SCAMP5: variants seen among roughly 807,000 people sequenced by gnomAD.
SCAMP5 encodes secretory carrier-associated membrane protein 5.
A neutral mutation model predicts 28.3 loss-of-function variants in SCAMP5; 7 were observed. The ratio of observed to expected loss-of-function variants is 0.25; its 90% confidence interval spans 0.14 to 0.46. The LOEUF (loss-of-function observed/expected upper bound fraction) is 0.46, where lower values mean the gene tolerates loss of function less well. Among genes scored for constraint, SCAMP5 ranks in the 20% least tolerant of loss-of-function variants. SCAMP5 has a pLI of 0.99. For synonymous variants in SCAMP5, 117 were observed against 116.4 expected, an observed-to-expected ratio of 1.00 and a Z score of -0.03; for missense variants, 192 against 312.5, an observed-to-expected ratio of 0.61 and a Z score of 2.91.
At position 75,018,370 on chromosome 15, in the gene SCAMP5, G is replaced by A. The variant is rs2065876597; in HGVS notation, c.396-48G>A. 1 of 1,196,718 alleles carries A rather than the reference G, an allele frequency of 8.4e-7. No homozygotes were observed. Among genetic ancestry groups the A allele is most frequent in the South Asian group, 1.2e-5 (1 of 83,076 alleles). 74.1% of individuals were successfully genotyped at this position (1,196,718 alleles called of 1,614,324 possible). A position where few individuals can be genotyped will look rare whatever the true frequency, so the allele number is the denominator to read the frequency against. ...TCCCTTCCTCTAGCGGGGGGCTCCT[G>A]GGCACCTCTTATCCTGCCCGCAGCC... On this transcript the variant is annotated intron_variant, in intron 5 of 6. Transcript: ENST00000425597. This position sits in a 1 kb window ranked among gnomAD's most constrained non-coding sequence, Gnocchi z 5.6.
At chr15:75,011,347 T>C (rs574117260) in intron 1 of SCAMP5, among the ~76,000 whole-genome samples, 1 of 152,326 alleles carries the variant, frequency 6.6e-6, no homozygotes, top group Non-Finnish European at 1.5e-5. Context: ...GACTGTTTCA[T>C]GGGGAGAGCA....
intron 3 of SCAMP5, 145 bp from the exon 4 acceptor site, chr15:75,016,448 T>C: frequency 3.0e-6 from 2 of 675,952 alleles, no homozygotes; most frequent in South Asian, 3.8e-5. Context: ...TGCATCTCTC[T>C]GTGCTTGTCT....
chr15:75,010,680 C>T (rs2065803292), intron 1 of SCAMP5, among the ~76,000 whole-genome samples: 1 of 152,162 alleles, frequency 6.6e-6, no homozygotes, highest in Non-Finnish European at 1.5e-5. Context: ...GGTAGTCTGT[C>T]CCTGTAGTCT....
At position 75,018,053 on chromosome 15, in the gene SCAMP5, T is replaced by C. The variant is rs2289582; in HGVS notation, c.395+82T>C. Reference sequence around the variant, plus strand: ...TTGCTTACCTTTGTGTGCTAAGCTGTCTAGCCTATGGGGCCTGAGTGATGG... The same window carrying C: ...TTGCTTACCTTTGTGTGCTAAGCTGCCTAGCCTATGGGGCCTGAGTGATGG... On this transcript the variant is annotated intron_variant, in intron 5 of 6. Coordinates refer to ENST00000425597, the MANE Select transcript of SCAMP5 (RefSeq NM_138967.4). The surrounding 1 kb of genome is among the most constrained non-coding windows in gnomAD (Gnocchi z 5.6). 231,441 of 855,870 alleles carry C rather than the reference T, an allele frequency of 0.27. 38,025 individuals carry two copies. Among genetic ancestry groups the C allele is most frequent in the South Asian group, 0.57 (39,108 of 68,388 alleles). The allele number at this position is 855,870 out of a possible 1,614,324, so 53.0% of individuals were successfully genotyped here. A position where few individuals can be genotyped will look rare whatever the true frequency, so the allele number is the denominator to read the frequency against.
intron 1 of SCAMP5, among the ~76,000 whole-genome samples, chr15:75,001,578 C>G (rs1434385838): frequency 6.6e-6 from 1 of 151,504 alleles, no homozygotes; most frequent in African/African-American, 2.4e-5. Context: ...GAGTTCAAGA[C>G]AAACCTAGGC....
At chr15:75,016,843 T>TTA (rs2065864073) in intron 4 of SCAMP5, 94 bp downstream of exon 4, 2 of 1,104,488 alleles carry the variant, frequency 1.8e-6, no homozygotes, top group Non-Finnish European at 2.5e-6. Context: ...TTTTTTTTTT[T>TTA]TACCCTCCCC....
rs2065879783 is a variant in SCAMP5, at chr15:75,018,668, C to A, written c.514-121C>A. The A allele has an allele frequency of 9.9e-7, 1 of 1,014,598 alleles. No individual in the cohort carries two copies. The highest frequency in any genetic ancestry group is 2.4e-5 in the East Asian group (1 of 42,102). 62.8% of individuals were successfully genotyped at this position (1,014,598 alleles called of 1,614,324 possible). On this transcript the variant is annotated intron_variant, in intron 6 of 6. Transcript: ENST00000425597. The surrounding 1 kb of genome is among the most constrained non-coding windows in gnomAD (Gnocchi z 5.6). ...ACTCTGGAATGGCCTGCAGGACTCT[C>A]CTACAGAGGCATTCATGGGGAGGGA...
At chr15:75,002,098 C>T (rs2141427534) in intron 1 of SCAMP5, among the ~76,000 whole-genome samples, 1 of 151,850 alleles carries the variant, frequency 6.6e-6, no homozygotes, top group South Asian at 2.1e-4. Flanking sequence ...AGAGTGAGAC[C>T]CTGTCTCAAA....
intron 1 of SCAMP5, among the ~76,000 whole-genome samples, chr15:75,003,034 G>A (rs1192698839): frequency 6.6e-6 from 1 of 152,114 alleles, no homozygotes; most frequent in Non-Finnish European, 1.5e-5. Flanking sequence ...GGGCTCAAGC[G>A]ATTCTCCTGC....
chr15:75,018,364 G>T lies in SCAMP5; in HGVS notation c.396-54G>T, dbSNP rs748715227. The T allele has an allele frequency of 1.7e-5, 18 of 1,079,812 alleles. No homozygotes were observed. The South Asian group carries it at 2.0e-4, about 12-fold the overall frequency. 66.9% of individuals were successfully genotyped at this position (1,079,812 alleles called of 1,614,324 possible). ...AGACGGTCCCTTCCTCTAGCGGGGG[G>T]CTCCTGGGCACCTCTTATCCTGCCC... On this transcript the variant is annotated intron_variant, in intron 5 of 6. Transcript: ENST00000425597. The surrounding 1 kb of genome is among the most constrained non-coding windows in gnomAD (Gnocchi z 5.6).
At chr15:75,007,696 G>C (rs1030236594) in intron 1 of SCAMP5, 5 of 152,418 alleles carry the variant, frequency 3.3e-5, no homozygotes, top group Non-Finnish European at 5.9e-5. Context: ...CTCCCGAGTA[G>C]CTGGAACTAC....
At chr15:75,010,500 C>T (rs1186135846) in intron 1 of SCAMP5, among the ~76,000 whole-genome samples, 1 of 152,204 alleles carries the variant, frequency 6.6e-6, no homozygotes, top group Non-Finnish European at 1.5e-5. Context: ...CCCTCATTTG[C>T]ACTCTGCTTT....
intron 4 of SCAMP5, 68 bp from the exon 5 acceptor site, chr15:75,017,802 G>A (rs781410302): frequency 3.2e-5 from 31 of 963,252 alleles, no homozygotes; most frequent in Non-Finnish European, 4.8e-5. Flanking sequence ...GGAAGGGCTT[G>A]GGGGCCTTGA....
At chr15:75,002,778 T>G (rs537820667) in intron 1 of SCAMP5, among the ~76,000 whole-genome samples, 1 of 152,030 alleles carries the variant, frequency 6.6e-6, no homozygotes, top group East Asian at 1.9e-4. Context: ...CTTTTTATTT[T>G]TTTGAATAGG....
chr15:75,018,527 C>T lies in SCAMP5; in HGVS notation c.505C>T (p.Leu169Phe). ...TVMAVFSFIA[L>F]SMVHKFYRGS... ...GATGGCCGTCTTTTCCTTCATCGCC[C>T]TCAGCATGGTACGTGGTCCCCTCAA... Residue 169 changes from leucine to phenylalanine, a missense_variant, in exon 6 of 7, where the codon CTC (leucine) becomes TTC (phenylalanine). Physicochemically the swap from Leu to Phe is conservative, Grantham distance 22 (BLOSUM62 0). Coordinates refer to ENST00000425597, the MANE Select transcript of SCAMP5 (RefSeq NM_138967.4). The surrounding 1 kb of genome is among the most constrained non-coding windows in gnomAD (Gnocchi z 5.6). The T allele has an allele frequency of 5.0e-6, 8 of 1,605,604 alleles. No individual in the cohort carries two copies. Among genetic ancestry groups the T allele is most frequent in the Non-Finnish European group, 6.8e-6 (8 of 1,172,296 alleles).
Position 75,018,912 on chromosome 15 carries a change from C to T in SCAMP5, c.637C>T (p.Gln213Ter), listed in dbSNP as rs777495588. The T allele has an allele frequency of 1.3e-6, 2 of 1,577,210 alleles. No individual in the cohort carries two copies. The highest frequency in any genetic ancestry group is 2.1e-5 in the Admixed American group (1 of 47,400). ...AAQNAAMGAA[Q>*]GAMNQPQTQY... ...CCAGAACGCAGCCATGGGGGCAGCCCAGGGTGCCATGAATCAGCCTCAGAC... is the reference window on the plus strand; with the variant it reads ...CCAGAACGCAGCCATGGGGGCAGCCTAGGGTGCCATGAATCAGCCTCAGAC... The change falls in exon 7 of 7, where the codon CAG (glutamine) becomes TAG (stop). Residue 213 changes from glutamine to a stop codon, truncating the protein, a stop_gained. Transcript: ENST00000425597. LOFTEE classifies it high-confidence loss of function. The surrounding 1 kb of genome is among the most constrained non-coding windows in gnomAD (Gnocchi z 5.6).
At chr15:74,997,526 A>C (rs1465407240) in intron 1 of SCAMP5, among the ~76,000 whole-genome samples, 1 of 152,206 alleles carries the variant, frequency 6.6e-6, no homozygotes, top group Admixed American at 6.5e-5. Context: ...CTCAAAATGT[A>C]TGCAGCGGGA....
chr15:75,016,930 G>A (rs1444999818), intron 4 of SCAMP5, among the ~76,000 whole-genome samples, 181 bp downstream of exon 4: 1 of 151,932 alleles, frequency 6.6e-6, no homozygotes, highest in East Asian at 1.9e-4. Context: ...GCCAAGTTGA[G>A]GTGAGAGGGC....
At chr15:74,998,326 G>A (rs879402392) in intron 1 of SCAMP5, among the ~76,000 whole-genome samples, 1 of 152,126 alleles carries the variant, frequency 6.6e-6, no homozygotes, top group African/African-American at 2.4e-5. Flanking sequence ...CTTTGGTTTG[G>A]CCGGCGCGGT....
Sources: allele counts gnomAD v4.1 joint callset (sites outside exome capture counted in the v4.1 genomes callset), GRCh38; gene constraint gnomAD v4.1.1; non-coding constraint Gnocchi (gnomAD v3.1); transcripts MANE v1.5; gene names NCBI Gene and HGNC (gene_info 2026-07-23, HGNC 2026-07-21).